Variants in C11orf65 observed in about 807,000 individuals in gnomAD.
The protein encoded by C11orf65 is chromosome 11 open reading frame 65.
In C11orf65, 38 loss-of-function variants were observed where a neutral mutation model predicts 35.3. The ratio of observed to expected loss-of-function variants is 1.08; its 90% CI spans 0.83 to 1.41. C11orf65 has a LOEUF of 1.41. Ranked by LOEUF, C11orf65 falls within the 40% of genes most tolerant of loss-of-function variation. The pLI, the probability that C11orf65 is intolerant of heterozygous loss-of-function variation, is 0.00. For synonymous variants in C11orf65, 105 were observed against 114.4 expected, an observed-to-expected ratio of 0.92 and a Z score of 0.53; for missense variants, 370 against 367.1, an observed-to-expected ratio of 1.01 and a Z score of -0.06.
At chr11:108,430,292 C>T (rs1484658527) in intron 3 of C11orf65, among the ~76,000 whole-genome samples, 6 of 108,678 alleles carry the variant, frequency 5.5e-5, no homozygotes, top group Admixed American at 1.1e-4. Flanking sequence ...CCACGCCTGG[C>T]TAATTTTTTT....
intron 2 of C11orf65, among the ~76,000 whole-genome samples, chr11:108,349,028 G>T (rs1414625362): frequency 6.6e-6 from 1 of 152,160 alleles, no homozygotes. Context: ...GAAGTCACTG[G>T]GCTGGAGGAG....
intron 1 of C11orf65, among the ~76,000 whole-genome samples, chr11:108,464,424 C>T (rs767538602): frequency 6.7e-5 from 10 of 150,104 alleles, no homozygotes; most frequent in Non-Finnish European, 1.0e-4. Context: ...AGCCTCCCCG[C>T]GATTTCCACT....
At chr11:108,382,009 G>A (rs1427710750), downstream of C11orf65, among the ~76,000 whole-genome samples, 1 of 152,100 alleles carries the variant, frequency 6.6e-6, no homozygotes, top group African/African-American at 2.4e-5. Context: ...CTATGGGGAG[G>A]TCTAAGTATC....
At chr11:108,466,467 G>A (rs2093539640) in intron 1 of C11orf65, among the ~76,000 whole-genome samples, 3 of 152,024 alleles carry the variant, frequency 2.0e-5, no homozygotes, top group South Asian at 2.1e-4. Flanking sequence ...ACAGCTACTC[G>A]GAAGGCTGAG....
intron 3 of C11orf65, chr11:108,332,760 A>C (rs2136559832): frequency 6.2e-7 from 1 of 1,612,246 alleles, no homozygotes. Flanking sequence ...TTTTATTAAT[A>C]GGATCGAACA....
chr11:108,328,676 C>G (rs1486352864), downstream of C11orf65, among the ~76,000 whole-genome samples: 2 of 152,164 alleles, frequency 1.3e-5, no homozygotes, highest in African/African-American at 4.8e-5. Flanking sequence ...CAGGGCTGTC[C>G]AATCTTTTGG....
intron 2 of C11orf65, among the ~76,000 whole-genome samples, chr11:108,456,828 A>G (rs925109758): frequency 2.0e-5 from 3 of 151,972 alleles, no homozygotes; most frequent in African/African-American, 7.2e-5. Flanking sequence ...GAAAGAGAAA[A>G]AGTCACAAAT....
At chr11:108,452,426 A>T (rs1423673661) in intron 2 of C11orf65, among the ~76,000 whole-genome samples, 1 of 152,228 alleles carries the variant, frequency 6.6e-6, no homozygotes, top group Non-Finnish European at 1.5e-5. Flanking sequence ...CCATCAGAGA[A>T]ATGCAAATCA....
chr11:108,335,314 A>G, intron 2 of C11orf65: 1 of 1,468,560 alleles, frequency 6.8e-7, no homozygotes, highest in South Asian at 1.3e-5. Context: ...TCATTATTAT[A>G]TGGTTGATTC....
chr11:108,335,019 A>T (rs2086676600), intron 3 of C11orf65: 1 of 1,614,008 alleles, frequency 6.2e-7, no homozygotes, highest in Non-Finnish European at 8.5e-7. Context: ...AGTCATTTAA[A>T]GCAGAATTTC....
At chr11:108,357,424 G>C (rs998858505) in intron 2 of C11orf65, among the ~76,000 whole-genome samples, 5 of 152,206 alleles carry the variant, frequency 3.3e-5, no homozygotes, top group African/African-American at 1.2e-4. Flanking sequence ...CGGGAAGCTC[G>C]AACTGGGTGG....
upstream of C11orf65, among the ~76,000 whole-genome samples, chr11:108,468,118 T>C (rs1262860391): frequency 6.6e-6 from 1 of 152,180 alleles, no homozygotes; most frequent in Non-Finnish European, 1.5e-5. Context: ...AGTGCTAGGA[T>C]TACAGGCGTG....
chr11:108,385,917 T>C lies in C11orf65; in HGVS notation c.787+3A>G, dbSNP rs1458352759. On this transcript the variant is annotated splice_donor_region_variant and intron_variant, in intron 8 of 8. Coordinates refer to ENST00000393084, the MANE Select transcript of C11orf65 (RefSeq NM_152587.5). ...CTATAAAGTACTGCTAAAAATCACC[T>C]ACCTTTGAAGTTAGCCGAAGAGTTG... is the stretch of plus-strand genomic sequence containing the variant. The C allele has an allele frequency of 1.4e-5, 23 of 1,613,228 alleles. No homozygotes were observed. Among genetic ancestry groups the C allele is most frequent in the Non-Finnish European group, 2.0e-5 (23 of 1,179,460 alleles).
At chr11:108,330,709 A>C (rs2086163180), downstream of C11orf65, among the ~76,000 whole-genome samples, 1 of 152,212 alleles carries the variant, frequency 6.6e-6, no homozygotes. Flanking sequence ...ATGTCTTTGC[A>C]GTTACCATAG....
rs538160157 is a variant in C11orf65 at position 108,355,071 on chromosome 11, C to T, written c.227-19779G>A. On this transcript the variant is annotated intron_variant, in intron 2 of 3. Transcript: ENST00000524755. ...CTGGTTTAGAAATGCCTTCAGCCCCCTTGAGTTTCTTGGAATGTTAGAGCA... is the reference window on the plus strand; with the variant it reads ...CTGGTTTAGAAATGCCTTCAGCCCCTTTGAGTTTCTTGGAATGTTAGAGCA... 63 of 582,200 alleles carry T rather than the reference C, an allele frequency of 1.1e-4. No individual in the cohort carries two copies. In the East Asian group the frequency reaches 1.8e-3, roughly 16 times the overall value. The allele number at this position is 582,200 out of a possible 1,614,324, so 36.1% of individuals were successfully genotyped here. A position where few individuals can be genotyped will look rare whatever the true frequency, so the allele number is the denominator to read the frequency against.
At chr11:108,449,964 T>G (rs916304299) in intron 2 of C11orf65, among the ~76,000 whole-genome samples, 1 of 150,058 alleles carries the variant, frequency 6.7e-6, no homozygotes, top group Non-Finnish European at 1.5e-5. Flanking sequence ...CATCAAAAAG[T>G]GGGCCAAGGA....
chr11:108,433,061 T>C (rs1201536889), intron 2 of C11orf65, among the ~76,000 whole-genome samples: 1 of 151,992 alleles, frequency 6.6e-6, no homozygotes, highest in Non-Finnish European at 1.5e-5. Context: ...CACCCACATA[T>C]CAGGGTCTTC....
At chr11:108,393,170 A>G in intron 7 of C11orf65, 38 bp downstream of exon 7, 2 of 1,563,640 alleles carry the variant, frequency 1.3e-6, no homozygotes, top group Non-Finnish European at 1.7e-6. Context: ...AACTATGATG[A>G]CTGCCCTTGT....
chr11:108,319,064 C>A (rs1384056686), intron 6 of C11orf65, among the ~76,000 whole-genome samples: 2 of 151,962 alleles, frequency 1.3e-5, no homozygotes, highest in African/African-American at 4.8e-5. Context: ...GTAGTCCCAG[C>A]TGCTTGGGAG....
Sources: gnomAD v4.1 joint callset for allele counts (sites outside exome capture counted in the v4.1 genomes callset) on GRCh38, gnomAD v4.1.1 for gene constraint, MANE v1.5 for transcripts, NCBI Gene and HGNC (gene_info 2026-07-23, HGNC 2026-07-21) for gene names.